The following ADAMTS16 variants were observed in gnomAD, a reference collection of about 807,000 sequenced individuals.
ADAMTS16 encodes ADAM metallopeptidase with thrombospondin type 1 motif 16, also known as A disintegrin and metalloproteinase with thrombospondin motifs 16.
ADAMTS16 carries 94 observed loss-of-function variants against 145.8 expected under a neutral mutation model. That is an observed-to-expected ratio of 0.64 (90% CI 0.55 to 0.77). The LOEUF (loss-of-function observed/expected upper bound fraction) is 0.77. ADAMTS16 is among the 30% of genes least tolerant of loss of function. The probability of loss-of-function intolerance (pLI) is 0.00; values close to 1 mark genes in which losing one functional copy is unlikely to be tolerated. For synonymous variants in ADAMTS16, 659 were observed against 604.3 expected (o/e 1.09, Z -1.33); for missense variants, 1,585 against 1,591.5 (o/e 1.00, Z 0.07).
chr5:5,319,849 G>A lies in ADAMTS16; in HGVS notation c.*711G>A. The stretch of plus-strand genomic sequence containing the variant: ...TCTTTCAGATTCATGCATTGAAGGA[G>A]AGATTTTTTATACTTTATGTTTTAT... On this transcript the variant is annotated 3_prime_UTR_variant, in exon 23 of 23. Coordinates refer to ENST00000274181, the MANE Select transcript of ADAMTS16 (RefSeq NM_139056.4). 2.2e-6 allele frequency: 1 copy of A among 455,308 alleles called. No homozygotes were observed. Among genetic ancestry groups the A allele is most frequent in the African/African-American group, 2.0e-5 (1 of 50,022 alleles). 28.2% of individuals were successfully genotyped at this position (455,308 alleles called of 1,614,324 possible).
Position 5,200,226 on chromosome 5 carries a change from T to G in ADAMTS16, c.1408T>G (p.Ser470Ala). ...PTLAGRNGVFSWSPCSRQYLH... is the reference protein window; with the variant it reads ...PTLAGRNGVFAWSPCSRQYLH... ...ATTGGCAGGACGCAATGGAGTCTTCTCCTGGTCACCCTGCAGCCGCCAGTA... is the reference window on the plus strand; with the variant it reads ...ATTGGCAGGACGCAATGGAGTCTTCGCCTGGTCACCCTGCAGCCGCCAGTA... Residue 470 changes from serine (S) to alanine (A), a missense_variant, in exon 9 of 23, where the codon TCC becomes GCC. Physicochemically the swap from Ser to Ala is moderately conservative, Grantham distance 99 (BLOSUM62 1). Transcript: ENST00000274181. 6.2e-7 allele frequency: 1 copy of G among 1,614,108 alleles called. No individual in the cohort carries two copies. The highest frequency in any genetic ancestry group is 1.1e-5 in the South Asian group (1 of 91,084).
chr5:5,206,140 C>T (rs1736101114), intron 9 of ADAMTS16, among the ~76,000 whole-genome samples: 1 of 152,016 alleles, frequency 6.6e-6, no homozygotes, highest in South Asian at 2.1e-4. Context: ...ATAAGATCTG[C>T]CTTTGGCCGG....
intron 8 of ADAMTS16, among the ~76,000 whole-genome samples, chr5:5,195,124 G>A (rs569393501): frequency 6.6e-6 from 1 of 152,310 alleles, no homozygotes; most frequent in African/African-American, 2.4e-5. Context: ...CTAAGAACAG[G>A]TGTTTGGATT....
intron 18 of ADAMTS16, among the ~76,000 whole-genome samples, chr5:5,284,624 G>A (rs1479453098): frequency 5.3e-5 from 8 of 152,254 alleles, no homozygotes; most frequent in African/African-American, 1.9e-4. Context: ...ATGCCAGCTC[G>A]TTAATAGAAT....
chr5:5,212,274 CT>C (rs1448260557), intron 10 of ADAMTS16, among the ~76,000 whole-genome samples: 1 of 145,470 alleles, frequency 6.9e-6, no homozygotes, highest in Non-Finnish European at 1.5e-5. Flanking sequence ...GTGGCACGAT[CT>C]TGGCTCACTG....
At chr5:5,185,088 C>T (rs1422958878) in intron 4 of ADAMTS16, among the ~76,000 whole-genome samples, 5 of 152,248 alleles carry the variant, frequency 3.3e-5, no homozygotes, top group African/African-American at 1.2e-4. Flanking sequence ...GGAGCTCACA[C>T]CTGCGGGCAT....
At chr5:5,223,114 A>G (rs970536621) in intron 11 of ADAMTS16, 9 of 536,142 alleles carry the variant, frequency 1.7e-5, no homozygotes, top group Non-Finnish European at 2.7e-5. Context: ...TCATAGACAT[A>G]GAAATCAGAC....
chr5:5,175,211 C>T (rs1735154010), intron 3 of ADAMTS16, among the ~76,000 whole-genome samples: 1 of 152,186 alleles, frequency 6.6e-6, no homozygotes, highest in Admixed American at 6.5e-5. Flanking sequence ...GGGCTCTCTA[C>T]TCAGCAGGAG....
intron 8 of ADAMTS16, among the ~76,000 whole-genome samples, chr5:5,194,342 G>A (rs577565430): frequency 4.6e-5 from 7 of 152,094 alleles, no homozygotes; most frequent in South Asian, 2.1e-4. Flanking sequence ...TAGTAGTAAC[G>A]GTAATGATAA....
At chr5:5,164,291 T>A (rs1349748699) in intron 3 of ADAMTS16, among the ~76,000 whole-genome samples, 1 of 152,176 alleles carries the variant, frequency 6.6e-6, no homozygotes, top group Non-Finnish European at 1.5e-5. Flanking sequence ...TGGTCTCAAA[T>A]CATAGCTGCC....
At chr5:5,193,188 T>A (rs1735712745) in intron 8 of ADAMTS16, among the ~76,000 whole-genome samples, 1 of 152,042 alleles carries the variant, frequency 6.6e-6, no homozygotes, top group Non-Finnish European at 1.5e-5. Flanking sequence ...TACGTGTACA[T>A]GTATGTTTGC....
At chr5:5,256,421 A>T (rs930163820) in intron 17 of ADAMTS16, among the ~76,000 whole-genome samples, 5 of 152,376 alleles carry the variant, frequency 3.3e-5, no homozygotes, top group Middle Eastern at 3.4e-3. Flanking sequence ...TTGCACCTGC[A>T]TTGGATAAAC....
intron 18 of ADAMTS16, among the ~76,000 whole-genome samples, chr5:5,290,211 T>C (rs1345556716): frequency 6.6e-6 from 1 of 152,146 alleles, no homozygotes; most frequent in African/African-American, 2.4e-5. Flanking sequence ...CCCACAAGCT[T>C]GTGTTCTTGC....
chr5:5,142,747 A>T (rs1457805720), intron 2 of ADAMTS16, among the ~76,000 whole-genome samples: 1 of 152,206 alleles, frequency 6.6e-6, no homozygotes, highest in East Asian at 1.9e-4. Flanking sequence ...AAGTAATTAC[A>T]AAATAGCAAA....
chr5:5,222,320 G>GATGA (rs1278518249), intron 10 of ADAMTS16, among the ~76,000 whole-genome samples: 1 of 148,030 alleles, frequency 6.8e-6, no homozygotes, highest in Admixed American at 6.7e-5. Context: ...TGGTTAAATG[G>GATGA]ATGGATGGAT....
chr5:5,186,296 C>T (rs764169848), intron 5 of ADAMTS16, 45 bp downstream of exon 5: 95 of 1,383,358 alleles, frequency 6.9e-5, no homozygotes, highest in Middle Eastern at 1.9e-4. Flanking sequence ...CATTGCACTT[C>T]GTAGGGTGTG....
intron 9 of ADAMTS16, among the ~76,000 whole-genome samples, chr5:5,208,108 C>T (rs1003645845): frequency 3.9e-5 from 6 of 152,184 alleles, no homozygotes; most frequent in African/African-American, 9.7e-5. Context: ...ATAAGTTCTT[C>T]CCTAATCTCT....
chr5:5,320,221 C>T lies in ADAMTS16; in HGVS notation c.*1083C>T, dbSNP rs1446201129. 3.0e-5 allele frequency: 8 copies of T among 267,200 alleles called. No homozygotes were observed. Among genetic ancestry groups the T allele is most frequent in the East Asian group, 1.5e-4 (1 of 6,834 alleles). The allele number at this position is 267,200 out of a possible 1,614,324, so 16.6% of individuals were successfully genotyped here. A position where few individuals can be genotyped will look rare whatever the true frequency, so the allele number is the denominator to read the frequency against. On this transcript the variant is annotated 3_prime_UTR_variant, in exon 23 of 23. Transcript: ENST00000274181. This position sits in a 1 kb window ranked among gnomAD's most constrained non-coding sequence, Gnocchi z 5.1. ...TCAGTGCGGCTGCTGTTCTCCTGTC[C>T]GGTGCTGTGGCTCCATTCCAAAGGG... is the stretch of plus-strand genomic sequence containing the variant.
chr5:5,182,963 C>G (rs1010062115), intron 4 of ADAMTS16, among the ~76,000 whole-genome samples: 2 of 152,204 alleles, frequency 1.3e-5, no homozygotes, highest in Admixed American at 6.5e-5. Flanking sequence ...CCCCTCTCCC[C>G]CTGCCCATTG....
Sources: allele counts gnomAD v4.1 joint callset (sites outside exome capture counted in the v4.1 genomes callset), GRCh38; gene constraint gnomAD v4.1.1; non-coding constraint Gnocchi (gnomAD v3.1); transcripts MANE v1.5; gene names NCBI Gene and HGNC (gene_info 2026-07-23, HGNC 2026-07-21).